KHDRBS2: variants seen among roughly 807,000 people sequenced by gnomAD.
KHDRBS2 encodes the protein KH RNA binding domain containing, signal transduction associated 2, also known as KH domain-containing, RNA-binding, signal transduction-associated protein 2.
A neutral mutation model predicts 44.3 loss-of-function variants in KHDRBS2; 26 were observed. The ratio of observed to expected loss-of-function variants is 0.59; its 90% CI spans 0.43 to 0.81. The LOEUF (loss-of-function observed/expected upper bound fraction) is 0.81, where lower values mean the gene tolerates loss of function less well. Among genes scored for constraint, KHDRBS2 ranks in the 40% least tolerant of loss-of-function variants. The pLI is 0.00. For missense variants in KHDRBS2, 476 were observed against 433.1 expected (o/e 1.10, Z -0.88); for synonymous variants, 194 against 151.1 (o/e 1.28, Z -2.08).
intron 8 of KHDRBS2, among the ~76,000 whole-genome samples, chr6:61,696,550 C>T (rs1767933689): frequency 6.6e-6 from 1 of 151,986 alleles, no homozygotes; most frequent in Non-Finnish European, 1.5e-5. Flanking sequence ...AGCCACCACG[C>T]CCGGCCACAT....
At chr6:61,970,274 GTTT>G (rs1771060506) in intron 4 of KHDRBS2, among the ~76,000 whole-genome samples, 1 of 151,492 alleles carries the variant, frequency 6.6e-6, no homozygotes, top group Admixed American at 6.6e-5. Context: ...AAAGTTTCTT[GTTT>G]GCATGAATAA....
At chr6:62,042,053 A>T (rs1786649229) in intron 3 of KHDRBS2, among the ~76,000 whole-genome samples, 1 of 152,080 alleles carries the variant, frequency 6.6e-6, no homozygotes, top group South Asian at 2.1e-4. Flanking sequence ...AATATAACAC[A>T]TACTGAAATA....
intron 2 of KHDRBS2, among the ~76,000 whole-genome samples, chr6:62,058,853 A>G (rs192080001): frequency 1.3e-5 from 2 of 152,010 alleles, no homozygotes; most frequent in African/African-American, 4.8e-5. Flanking sequence ...ATGATTTAGA[A>G]TTAACCATTA....
chr6:62,068,543 C>T (rs1584489958), intron 2 of KHDRBS2, among the ~76,000 whole-genome samples: 2 of 151,178 alleles, frequency 1.3e-5, no homozygotes, highest in South Asian at 4.2e-4. Flanking sequence ...TATTTTGTTG[C>T]TTGTGATTTT....
At chr6:61,835,419 T>A (rs1669744033) in intron 6 of KHDRBS2, among the ~76,000 whole-genome samples, 1 of 152,046 alleles carries the variant, frequency 6.6e-6, no homozygotes, top group African/African-American at 2.4e-5. Context: ...AGCTCATCAA[T>A]CATAGCGTTT....
At chr6:61,713,587 T>A (rs1196799085) in intron 7 of KHDRBS2, among the ~76,000 whole-genome samples, 1 of 151,660 alleles carries the variant, frequency 6.6e-6, no homozygotes, top group Non-Finnish European at 1.5e-5. Context: ...TTAGCTTTTT[T>A]TTTTTTTTCC....
At chr6:61,586,481 T>C in the KHDRBS2 span, among the ~76,000 whole-genome samples, 15 of 152,182 alleles carry the variant, frequency 9.9e-5, no homozygotes, top group Admixed American at 9.8e-4. Context: ...GCTCTAATAA[T>C]GCCTGTAATG....
intron 4 of KHDRBS2, among the ~76,000 whole-genome samples, chr6:61,963,998 G>GTTTTAA (rs1461960646): frequency 6.6e-6 from 1 of 151,972 alleles, no homozygotes; most frequent in Non-Finnish European, 1.5e-5. Context: ...GGAATGACCA[G>GTTTTAA]TTTTAATTCT....
intron 2 of KHDRBS2, among the ~76,000 whole-genome samples, chr6:62,124,011 A>G (rs568049900): frequency 6.6e-6 from 1 of 152,196 alleles, no homozygotes; most frequent in South Asian, 2.1e-4. Context: ...TGCCCTTTTC[A>G]TTGTATATGT....
chr6:61,738,014 G>A (rs1342630277), intron 6 of KHDRBS2, among the ~76,000 whole-genome samples: 1 of 151,906 alleles, frequency 6.6e-6, no homozygotes, highest in Non-Finnish European at 1.5e-5. Flanking sequence ...AGGTGAATAT[G>A]AATATTGAAT....
chr6:61,711,260 T>C (rs1333467871), intron 7 of KHDRBS2, among the ~76,000 whole-genome samples: 3 of 151,770 alleles, frequency 2.0e-5, no homozygotes, highest in Non-Finnish European at 4.4e-5. Flanking sequence ...TAAGGGTTGC[T>C]ACTAAACTTA....
chr6:61,723,114 A>C (rs573430656), intron 7 of KHDRBS2, among the ~76,000 whole-genome samples: 1 of 152,206 alleles, frequency 6.6e-6, no homozygotes, highest in African/African-American at 2.4e-5. Context: ...AGCAGACCCA[A>C]GCAAACCACA....
At chr6:62,206,108 G>A (rs549538407) in intron 1 of KHDRBS2, among the ~76,000 whole-genome samples, 1 of 152,218 alleles carries the variant, frequency 6.6e-6, no homozygotes, top group Non-Finnish European at 1.5e-5. Context: ...TAAAATACTT[G>A]TTGGAGACTG....
chr6:61,815,501 T>C (rs1401120912), intron 6 of KHDRBS2, among the ~76,000 whole-genome samples: 1 of 152,110 alleles, frequency 6.6e-6, no homozygotes, highest in Admixed American at 6.6e-5. Context: ...AAGTAACGAG[T>C]TCTTGCCAAA....
At chr6:61,602,641 C>G in the KHDRBS2 span, among the ~76,000 whole-genome samples, 1 of 152,114 alleles carries the variant, frequency 6.6e-6, no homozygotes, top group East Asian at 1.9e-4. Context: ...AGGTAACTCT[C>G]ACAGTGGAGG....
intron 6 of KHDRBS2, among the ~76,000 whole-genome samples, chr6:61,862,187 G>T (rs569813853): frequency 6.6e-6 from 1 of 152,108 alleles, no homozygotes; most frequent in Non-Finnish European, 1.5e-5. Flanking sequence ...AGCAAAGATA[G>T]TTTGACTTCC....
rs528143494 is a variant in KHDRBS2 at position 62,230,216 on chromosome 6, A to G, written c.92-52904T>C. On this transcript the variant is annotated intron_variant, in intron 1 of 8. Coordinates refer to ENST00000281156, the MANE Select transcript of KHDRBS2 (RefSeq NM_152688.4). ...GGTTTATAAAACACTAAAGCAAGAA[A>G]TGTTTCATAAAATGTTACAAAATAG... Among the ~76,000 whole-genome samples the G allele has an allele frequency of 2.2e-3, 334 of 152,330 alleles. 1 individual carries two copies. The highest frequency in any genetic ancestry group is 7.2e-3 in the African/African-American group (301 of 41,578).
intron 4 of KHDRBS2, among the ~76,000 whole-genome samples, chr6:61,937,702 C>T (rs1031686776): frequency 2.6e-5 from 4 of 152,004 alleles, no homozygotes; most frequent in African/African-American, 9.7e-5. Flanking sequence ...CTCCTTTATC[C>T]TATAATTAGA....
chr6:61,902,832 CTCTG>C (rs929990431), intron 4 of KHDRBS2, among the ~76,000 whole-genome samples: 2 of 151,676 alleles, frequency 1.3e-5, no homozygotes, highest in African/African-American at 4.8e-5. Context: ...ACCCACACAC[CTCTG>C]TCTAGAAAAT....
Sources: gnomAD v4.1 joint callset for allele counts (sites outside exome capture counted in the v4.1 genomes callset) on GRCh38, gnomAD v4.1.1 for gene constraint, MANE v1.5 for transcripts, NCBI Gene and HGNC (gene_info 2026-07-23, HGNC 2026-07-21) for gene names.